Variants in EHBP1 observed in about 807,000 individuals in gnomAD.
The protein encoded by EHBP1 is EH domain binding protein 1.
A neutral mutation model predicts 144.0 loss-of-function variants in EHBP1; 55 were observed. That is an observed-to-expected ratio of 0.38 (90% confidence interval 0.31 to 0.48). EHBP1 has a LOEUF of 0.48. Among genes scored for constraint, EHBP1 ranks in the 20% least tolerant of loss-of-function variants. The pLI, the probability that EHBP1 is intolerant of heterozygous loss-of-function variation, is 0.98. For missense variants in EHBP1, 1,200 were observed against 1,364.2 expected, an observed-to-expected ratio of 0.88 and a Z score of 1.90; for synonymous variants, 469 against 472.7, an observed-to-expected ratio of 0.99 and a Z score of 0.10.
At chr2:62,807,208 G>A (rs1040073647) in intron 5 of EHBP1, among the ~76,000 whole-genome samples, 4 of 152,200 alleles carry the variant, frequency 2.6e-5, no homozygotes, top group African/African-American at 9.7e-5. Context: ...ATACAGTGTT[G>A]CAATTACTAC....
At chr2:62,943,093 G>A (rs1264722590) in intron 11 of EHBP1, among the ~76,000 whole-genome samples, 197 bp downstream of exon 11, 3 of 152,044 alleles carry the variant, frequency 2.0e-5, no homozygotes, top group Non-Finnish European at 2.9e-5. Flanking sequence ...TTTAAAAGTG[G>A]TGGCTGGGCG....
chr2:62,683,079 T>C (rs1017026850), intron 1 of EHBP1, among the ~76,000 whole-genome samples: 2 of 152,134 alleles, frequency 1.3e-5, no homozygotes, highest in Non-Finnish European at 2.9e-5. Context: ...TATTGGCTTA[T>C]ATACTGAAAA....
At position 63,038,811 on chromosome 2, in the gene EHBP1, T is replaced by A; in HGVS notation, c.3272T>A (p.Ile1091Asn). 1.2e-6 allele frequency: 2 copies of A among 1,613,198 alleles called. No individual in the cohort carries two copies. Among genetic ancestry groups the A allele is most frequent in the Non-Finnish European group, 1.7e-6 (2 of 1,179,318 alleles). ...CGGGAATTGAGGGCAATGCTAGCCA[T>A]TGAAGGTAAGAAATGCTATGGTGGG... ...LNRELRAMLA[I>N]EDWQKTEAQK... The change falls in exon 21 of 23, where the codon ATT becomes AAT. Residue 1091 changes from isoleucine to asparagine, a missense_variant. Transcript: ENST00000431489.
intron 1 of EHBP1, among the ~76,000 whole-genome samples, chr2:62,680,427 C>T (rs1466705098): frequency 6.6e-6 from 1 of 152,174 alleles, no homozygotes; most frequent in Non-Finnish European, 1.5e-5. Context: ...TCACTGTCAG[C>T]TTATGACTTA....
chr2:62,845,957 A>T (rs2048263732), intron 7 of EHBP1, among the ~76,000 whole-genome samples: 1 of 152,190 alleles, frequency 6.6e-6, no homozygotes, highest in Non-Finnish European at 1.5e-5. Flanking sequence ...CAATAAGTTT[A>T]TAAGGTATCA....
intron 10 of EHBP1, among the ~76,000 whole-genome samples, chr2:62,906,192 A>G (rs1174319050): frequency 6.6e-6 from 1 of 150,694 alleles, no homozygotes; most frequent in African/African-American, 2.4e-5. Flanking sequence ...CAGTCATTCC[A>G]GCACTGCATG....
intron 5 of EHBP1, chr2:62,771,660 A>AAT (rs1553405597): frequency 1.2e-4 from 20 of 163,676 alleles, no homozygotes; most frequent in Admixed American, 5.1e-4. Flanking sequence ...ATATATAAAA[A>AAT]ATATATATAT....
At chr2:62,926,568 A>T (rs2055526832) in intron 10 of EHBP1, among the ~76,000 whole-genome samples, 1 of 152,184 alleles carries the variant, frequency 6.6e-6, no homozygotes, top group African/African-American at 2.4e-5. Context: ...ACCAAAAAAT[A>T]TATTTTTTAC....
intron 10 of EHBP1, among the ~76,000 whole-genome samples, chr2:62,925,822 T>C (rs2055461743): frequency 1.3e-5 from 2 of 152,144 alleles, no homozygotes; most frequent in South Asian, 2.1e-4. Flanking sequence ...AAAATGACCA[T>C]GTAGCCCAAA....
chr2:62,924,826 A>C (rs556075738), intron 10 of EHBP1, among the ~76,000 whole-genome samples: 1 of 152,352 alleles, frequency 6.6e-6, no homozygotes, highest in Non-Finnish European at 1.5e-5. Context: ...ATGGAAGCAA[A>C]GGGAATCCTT....
At chr2:62,773,277 A>G (rs1573267586) in intron 5 of EHBP1, among the ~76,000 whole-genome samples, 1 of 152,194 alleles carries the variant, frequency 6.6e-6, no homozygotes, top group Non-Finnish European at 1.5e-5. Flanking sequence ...CAACTCCTGT[A>G]TAGTGAGATT....
intron 12 of EHBP1, among the ~76,000 whole-genome samples, chr2:62,944,517 C>T (rs2056953898): frequency 6.6e-6 from 1 of 152,102 alleles, no homozygotes; most frequent in Admixed American, 6.5e-5. Flanking sequence ...GCTGTACCAT[C>T]TAGGTTTGTG....
chr2:62,807,440 T>A (rs1295896216), intron 5 of EHBP1, among the ~76,000 whole-genome samples: 1 of 152,086 alleles, frequency 6.6e-6, no homozygotes, highest in African/African-American at 2.4e-5. Flanking sequence ...CCCAGCTACT[T>A]GGGAGGTTGA....
chr2:62,852,065 T>C lies in EHBP1; in HGVS notation c.635-7104T>C, dbSNP rs138317916. Among the ~76,000 whole-genome samples the C allele has an allele frequency of 6.9e-3, 1,048 of 152,292 alleles. 9 individuals are homozygous for C. Among genetic ancestry groups the C allele is most frequent in the Non-Finnish European group, 9.7e-3 (659 of 67,974 alleles). On this transcript the variant is annotated intron_variant, in intron 7 of 22. Coordinates refer to ENST00000431489, the MANE Select transcript of EHBP1 (RefSeq NM_001142616.3). ...TTATACCTAAAATTCTGTGGAACAA[T>C]ATTAATGTTTTGAAGGTAAAGACTA... is the stretch of plus-strand genomic sequence containing the variant.
intron 14 of EHBP1, among the ~76,000 whole-genome samples, chr2:62,978,737 T>C (rs1383786004): frequency 6.6e-6 from 1 of 152,154 alleles, no homozygotes; most frequent in African/African-American, 2.4e-5. Context: ...ATTTCCTATA[T>C]AGTATTTGAT....
chr2:62,708,452 A>G (rs1283018517), intron 2 of EHBP1, among the ~76,000 whole-genome samples: 1 of 152,246 alleles, frequency 6.6e-6, no homozygotes, highest in Non-Finnish European at 1.5e-5. Context: ...GTATGACATA[A>G]GGATTTTAAT....
intron 10 of EHBP1, among the ~76,000 whole-genome samples, chr2:62,877,258 G>A (rs1176448435): frequency 6.6e-6 from 1 of 152,152 alleles, no homozygotes; most frequent in East Asian, 1.9e-4. Context: ...AAAACACAAA[G>A]AAGGGCATTA....
chr2:62,771,627 A>G (rs1044129494), intron 5 of EHBP1: 1 of 278,096 alleles, frequency 3.6e-6, no homozygotes, highest in Non-Finnish European at 6.6e-6. Flanking sequence ...GTTTGTATGT[A>G]TGCGTGTGTA....
chr2:62,693,084 C>T (rs915577314), intron 1 of EHBP1, among the ~76,000 whole-genome samples: 1 of 152,094 alleles, frequency 6.6e-6, no homozygotes, highest in Non-Finnish European at 1.5e-5. Context: ...TAATTTTTAG[C>T]TCCCATAGAT....
Sources: gnomAD v4.1 joint callset for allele counts (sites outside exome capture counted in the v4.1 genomes callset) on GRCh38, gnomAD v4.1.1 for gene constraint, MANE v1.5 for transcripts, NCBI Gene and HGNC (gene_info 2026-07-23, HGNC 2026-07-21) for gene names.